The following NCOA5 variants were observed in gnomAD, a reference collection of about 807,000 sequenced individuals.
NCOA5 encodes the protein nuclear receptor coactivator 5.
NCOA5 carries 12 observed loss-of-function variants against 59.0 expected under a neutral mutation model. The observed-to-expected ratio is 0.20, with a 90% CI of 0.13 to 0.33. The LOEUF (loss-of-function observed/expected upper bound fraction) is 0.33, where lower values mean the gene tolerates loss of function less well. Ranked by LOEUF, NCOA5 falls within the 10% of genes least tolerant of loss-of-function variation. The pLI is 1.00. For missense variants in NCOA5, 655 were observed against 766.6 expected (o/e 0.85, Z 1.72); for synonymous variants, 270 against 275.5 (o/e 0.98, Z 0.20).
In NCOA5 at chr20:46,062,705, C is replaced by T. The variant is rs769188989; in HGVS notation, c.1335G>A (p.Thr445=). Residue 445 remains threonine, a synonymous_variant, in exon 8 of 8, where the codon ACG becomes ACA. Transcript: ENST00000290231. The part of the protein sequence containing the change: ...ILSLFNSGTV[T]ANSSSASPSV... ...AGGGGGATGCAGAGCTGCTATTGGCCGTCACTGTGCCACTATTGAAGAGGC... is the reference window on the plus strand; with the variant it reads ...AGGGGGATGCAGAGCTGCTATTGGCTGTCACTGTGCCACTATTGAAGAGGC... The T allele has an allele frequency of 6.2e-6, 10 of 1,613,854 alleles. No homozygotes were observed. The East Asian group carries it at 8.9e-5, about 14-fold the overall frequency.
chr20:46,063,301 C>G (rs2084787405), intron 7 of NCOA5, 59 bp downstream of exon 7: 8 of 1,546,750 alleles, frequency 5.2e-6, no homozygotes, highest in Non-Finnish European at 7.0e-6. Context: ...CCCAACAGAG[C>G]CTGGGGATTA....
chr20:46,061,179 C>G lies in NCOA5; in HGVS notation c.*1121G>C, dbSNP rs964543025. On this transcript the variant is annotated 3_prime_UTR_variant, in exon 8 of 8. Coordinates refer to ENST00000290231, the MANE Select transcript of NCOA5 (RefSeq NM_020967.3). ...GGGACTCAGCTGAAGTCGCTGCTCTCCCTCACCCCTGCTAGAGGACCTCAA... is the reference window on the plus strand; with the variant it reads ...GGGACTCAGCTGAAGTCGCTGCTCTGCCTCACCCCTGCTAGAGGACCTCAA... 4 of 152,340 alleles carry G rather than the reference C, an allele frequency of 2.6e-5. No individual in the cohort carries two copies. The highest frequency in any genetic ancestry group is 9.7e-5 in the African/African-American group (4 of 41,422). The allele number at this position is 152,340 out of a possible 1,614,324, so 9.4% of individuals were successfully genotyped here. A position where few individuals can be genotyped will look rare whatever the true frequency, so the allele number is the denominator to read the frequency against.
Position 46,070,452 on chromosome 20 carries a change from A to T in NCOA5, c.123T>A (p.Asp41Glu). The change falls in exon 3 of 8, where the codon GAT (aspartate) becomes GAA (glutamate). Residue 41 changes from aspartate to glutamate, a missense_variant. Around this residue, in one of 3 missense-constraint regions of NCOA5, gnomAD observed 250 missense variants for 260.1 expected, o/e 0.96. Coordinates refer to ENST00000290231, the MANE Select transcript of NCOA5 (RefSeq NM_020967.3). ...IRGSPRREPRDGRNGRDARDS... is the reference protein window; with the variant it reads ...IRGSPRREPREGRNGRDARDS... ...CCCGGGCATCCCGGCCATTTCTGCC[A>T]TCCCTGGGCTCTCTCCTTGGACTTC... 1 of 1,614,050 alleles carries T rather than the reference A, an allele frequency of 6.2e-7. No homozygotes were observed. Among genetic ancestry groups the T allele is most frequent in the Non-Finnish European group, 8.5e-7 (1 of 1,180,000 alleles).
At chr20:46,073,929 C>T (rs1273214206) in intron 2 of NCOA5, among the ~76,000 whole-genome samples, 1 of 152,100 alleles carries the variant, frequency 6.6e-6, no homozygotes, top group Non-Finnish European at 1.5e-5. Flanking sequence ...AATTTGAAGT[C>T]CATGTGCAAC....
chr20:46,062,076 A>G lies in NCOA5; in HGVS notation c.*224T>C. 2.2e-6 allele frequency: 1 copy of G among 451,344 alleles called. No homozygotes were observed. Among genetic ancestry groups the G allele is most frequent in the South Asian group, 4.8e-5 (1 of 21,006 alleles). 28.0% of individuals were successfully genotyped at this position (451,344 alleles called of 1,614,324 possible). Reference sequence around the variant, plus strand: ...CTGCCCCCGGAGATATTTATTTTCTACAAAACAAAAAACAAAAAAAGATAC... The same window carrying G: ...CTGCCCCCGGAGATATTTATTTTCTGCAAAACAAAAAACAAAAAAAGATAC... On this transcript the variant is annotated 3_prime_UTR_variant, in exon 8 of 8. Coordinates refer to ENST00000290231, the MANE Select transcript of NCOA5 (RefSeq NM_020967.3).
At position 46,070,321 on chromosome 20, in the gene NCOA5, C is replaced by T. The variant is rs2084868487; in HGVS notation, c.254G>A (p.Arg85Lys). ...TAGATCACGAAAGTCTCTAAGATCC[C>T]TCACGTCCCGAACGTCGCGCACACT... is the stretch of plus-strand genomic sequence containing the variant. ...SRSVRDVRDV[R>K]DLRDFRDLRD... Residue 85 changes from arginine (R) to lysine (K), a missense_variant, in exon 3 of 8, where the codon AGG becomes AAG. By Grantham distance (26) the Arg-to-Lys change is conservative. Coordinates refer to ENST00000290231, the MANE Select transcript of NCOA5 (RefSeq NM_020967.3). 8.7e-6 allele frequency: 14 copies of T among 1,613,904 alleles called. No individual in the cohort carries two copies. The highest frequency in any genetic ancestry group is 1.2e-5 in the Non-Finnish European group (14 of 1,180,010).
chr20:46,062,844 A>G lies in NCOA5; in HGVS notation c.1196T>C (p.Leu399Pro), dbSNP rs1295470314. ...QPLGATSGAS[L>P]KTQPSSQPLQ... is the part of the protein sequence containing the mutation. ...CGGTTGGGAGCTTGGCTGTGTCTTCAGCGAGGCACCCGAGGTCGCCCCGAG... is the reference window on the plus strand; with the variant it reads ...CGGTTGGGAGCTTGGCTGTGTCTTCGGCGAGGCACCCGAGGTCGCCCCGAG... The change falls in exon 8 of 8, where the codon CTG becomes CCG. Residue 399 changes from leucine to proline, a missense_variant. This residue lies in a region of NCOA5 where 325 missense variants were observed against 353.2 expected (regional missense o/e 0.92). Transcript: ENST00000290231. The G allele has an allele frequency of 2.0e-6, 3 of 1,529,262 alleles. No homozygotes were observed. The African/African-American group carries it at 4.2e-5, about 21-fold the overall frequency. 94.7% of individuals were successfully genotyped at this position (1,529,262 alleles called of 1,614,324 possible). A position where few individuals can be genotyped will look rare whatever the true frequency, so the allele number is the denominator to read the frequency against.
chr20:46,088,807 A>T (rs2085069603), intron 1 of NCOA5, among the ~76,000 whole-genome samples: 1 of 152,216 alleles, frequency 6.6e-6, no homozygotes, highest in Non-Finnish European at 1.5e-5. Context: ...AAGAACCACA[A>T]TTAATCAGCT....
At chr20:46,068,957 A>T (rs1475390464) in intron 3 of NCOA5, among the ~76,000 whole-genome samples, 1 of 152,092 alleles carries the variant, frequency 6.6e-6, no homozygotes, top group Non-Finnish European at 1.5e-5. Context: ...CCATTTTAAC[A>T]ATTTTTATTA....
At position 46,089,620 on chromosome 20, in the gene NCOA5, G is replaced by A. The variant is rs557761982; in HGVS notation, c.-30+197C>T. On this transcript the variant is annotated intron_variant, in intron 1 of 7. Transcript: ENST00000290231. Reference sequence around the variant, plus strand: ...GGCCGCCTCGGCCGGCCGGGCCTGGGCCTGACGGGAGCCGGAGGCGGCCGC... The same window carrying A: ...GGCCGCCTCGGCCGGCCGGGCCTGGACCTGACGGGAGCCGGAGGCGGCCGC... Among the ~76,000 whole-genome samples the A allele has an allele frequency of 4.4e-4, 67 of 152,034 alleles. 1 individual carries two copies. The highest frequency in any genetic ancestry group is 1.4e-3 in the African/African-American group (60 of 41,506).
chr20:46,085,741 G>A (rs990021484), intron 1 of NCOA5, among the ~76,000 whole-genome samples: 2 of 152,192 alleles, frequency 1.3e-5, no homozygotes, highest in African/African-American at 2.4e-5. Flanking sequence ...ACTAGATCCA[G>A]ATTGCAAAAC....
intron 1 of NCOA5, among the ~76,000 whole-genome samples, chr20:46,086,544 T>C (rs1441466701): frequency 2.0e-5 from 3 of 152,244 alleles, no homozygotes; most frequent in Admixed American, 2.0e-4. Context: ...GATCCTGTCA[T>C]TAATGACTCT....
At position 46,089,909 on chromosome 20, in the gene NCOA5, G is replaced by C. The variant is rs6074016; in HGVS notation, c.-122C>G. ...GCCCACCTGCCCGCCGTAGGACAAA[G>C]GCGCCACCAACCGACCGGCGCGGGC... On this transcript the variant is annotated 5_prime_UTR_variant, in exon 1 of 8. Coordinates refer to ENST00000290231, the MANE Select transcript of NCOA5 (RefSeq NM_020967.3). The C allele has an allele frequency of 6.6e-6, 1 of 152,232 alleles. No homozygotes were observed. Among genetic ancestry groups the C allele is most frequent in the South Asian group, 2.1e-4 (1 of 4,830 alleles). The allele number at this position is 152,232 out of a possible 1,614,324, so 9.4% of individuals were successfully genotyped here.
At chr20:46,081,405 T>C (rs1326595045) in intron 1 of NCOA5, among the ~76,000 whole-genome samples, 1 of 152,166 alleles carries the variant, frequency 6.6e-6, no homozygotes, top group Non-Finnish European at 1.5e-5. Flanking sequence ...AATCACATGG[T>C]CATGTATACT....
intron 1 of NCOA5, among the ~76,000 whole-genome samples, chr20:46,085,856 G>A (rs1430388725): frequency 6.6e-6 from 1 of 152,162 alleles, no homozygotes; most frequent in Non-Finnish European, 1.5e-5. Flanking sequence ...GAAACTTTAT[G>A]TATATTATCC....
Position 46,063,643 on chromosome 20 carries a change from C to T in NCOA5, c.867G>A (p.Leu289=), listed in dbSNP as rs769604017. 2 of 1,614,052 alleles carry T rather than the reference C, an allele frequency of 1.2e-6. No homozygotes were observed. The highest frequency in any genetic ancestry group is 1.6e-4 in the Middle Eastern group (1 of 6,062). Reference sequence around the variant, plus strand: ...TGTAACGCTCATAATTTCTGGCCACCAGCACCATGGCATCTGCTTGGGGCA... The same window carrying T: ...TGTAACGCTCATAATTTCTGGCCACTAGCACCATGGCATCTGCTTGGGGCA... The part of the protein sequence containing the change: ...RNMPQADAMV[L]VARNYERYKN... The change falls in exon 7 of 8, where the codon CTG becomes CTA. Residue 289 remains leucine (L), a synonymous_variant. Coordinates refer to ENST00000290231, the MANE Select transcript of NCOA5 (RefSeq NM_020967.3).
At chr20:46,076,115 A>G (rs1246922285) in intron 2 of NCOA5, among the ~76,000 whole-genome samples, 2 of 152,208 alleles carry the variant, frequency 1.3e-5, no homozygotes, top group African/African-American at 2.4e-5. Flanking sequence ...TGCTTATACC[A>G]ATATTCTTAT....
At chr20:46,064,367 A>G (rs1305914390) in intron 6 of NCOA5, among the ~76,000 whole-genome samples, 6 of 152,230 alleles carry the variant, frequency 3.9e-5, no homozygotes, top group African/African-American at 9.6e-5. Flanking sequence ...CTGTGCTGTA[A>G]GAGTGAGGAG....
In NCOA5 at chr20:46,070,503, T is replaced by C; in HGVS notation, c.72A>G (p.Ser24=). ...DPYGFGDSRD[S]RRDRSPIRGS... ...CTCGAATTGGGGATCGATCACGCCT[T>C]GAATCTCGACTGTCTCCAAAGCCAT... is the stretch of plus-strand genomic sequence containing the variant. Residue 24 remains serine (S), a synonymous_variant, in exon 3 of 8, where the codon TCA becomes TCG. Coordinates refer to ENST00000290231, the MANE Select transcript of NCOA5 (RefSeq NM_020967.3). 1 of 1,613,984 alleles carries C rather than the reference T, an allele frequency of 6.2e-7. No individual in the cohort carries two copies. The highest frequency in any genetic ancestry group is 1.1e-5 in the South Asian group (1 of 91,068).
Sources: gnomAD v4.1 joint callset for allele counts (sites outside exome capture counted in the v4.1 genomes callset) on GRCh38, gnomAD v4.1.1 for gene constraint, gnomAD v4.1.1 regional missense constraint, MANE v1.5 for transcripts, NCBI Gene and HGNC (gene_info 2026-07-23, HGNC 2026-07-21) for gene names.